Variants in XKR4 observed in about 807,000 individuals in gnomAD.
XKR4 encodes XK-related protein 4.
A neutral mutation model predicts 53.9 loss-of-function variants in XKR4; 12 were observed. The ratio of observed to expected loss-of-function variants is 0.22; its 90% confidence interval spans 0.14 to 0.36. XKR4 has a LOEUF of 0.36. XKR4 is among the 10% of genes least tolerant of loss of function. The pLI, the probability that XKR4 is intolerant of heterozygous loss-of-function variation, is 1.00. For missense variants in XKR4, 799 were observed against 859.5 expected (o/e 0.93, Z 0.88); for synonymous variants, 354 against 362.4 (o/e 0.98, Z 0.26).
chr8:55,260,018 A>G (rs1818496742), intron 1 of XKR4, among the ~76,000 whole-genome samples: 1 of 151,764 alleles, frequency 6.6e-6, no homozygotes, highest in Non-Finnish European at 1.5e-5. Context: ...ATTCTCTGCA[A>G]TTACTCCTCT....
intron 1 of XKR4, among the ~76,000 whole-genome samples, chr8:55,220,110 T>C (rs1171246983): frequency 6.6e-6 from 1 of 152,204 alleles, no homozygotes; most frequent in African/African-American, 2.4e-5. Context: ...GTGATAGATA[T>C]GTCAATTAGG....
chr8:55,406,928 T>A (rs1804692683), intron 2 of XKR4, among the ~76,000 whole-genome samples: 2 of 152,186 alleles, frequency 1.3e-5, no homozygotes, highest in Non-Finnish European at 2.9e-5. Flanking sequence ...ATTCAATAAG[T>A]ACATTGTTGG....
intron 2 of XKR4, among the ~76,000 whole-genome samples, chr8:55,381,859 A>C (rs1309752979): frequency 6.6e-6 from 1 of 152,162 alleles, no homozygotes; most frequent in East Asian, 1.9e-4. Context: ...TTCTATACCC[A>C]CACATGGAAT....
At chr8:55,475,089 A>C (rs1033656951) in intron 2 of XKR4, among the ~76,000 whole-genome samples, 1 of 152,142 alleles carries the variant, frequency 6.6e-6, no homozygotes, top group African/African-American at 2.4e-5. Context: ...TAATACAATA[A>C]ATAGTCAGTG....
chr8:55,337,811 C>A (rs1209919798), intron 1 of XKR4, among the ~76,000 whole-genome samples: 3 of 152,196 alleles, frequency 2.0e-5, no homozygotes, highest in African/African-American at 7.2e-5. Flanking sequence ...AGCTCTGAAT[C>A]CTGTGGTCCT....
At chr8:55,228,750 A>G (rs974452649) in intron 1 of XKR4, among the ~76,000 whole-genome samples, 5 of 152,142 alleles carry the variant, frequency 3.3e-5, no homozygotes, top group African/African-American at 4.8e-5. Flanking sequence ...CCATGTCTAT[A>G]TTCTTCATAG....
intron 1 of XKR4, among the ~76,000 whole-genome samples, chr8:55,250,129 A>G (rs1173060889): frequency 6.6e-6 from 1 of 152,234 alleles, no homozygotes; most frequent in Non-Finnish European, 1.5e-5. Context: ...TTCTTTCAGG[A>G]AAAGGATCTT....
chr8:55,287,442 C>T (rs1448182511), intron 1 of XKR4, among the ~76,000 whole-genome samples: 5 of 152,180 alleles, frequency 3.3e-5, no homozygotes, highest in Admixed American at 1.3e-4. Context: ...GGTGAGCGTA[C>T]CCATTAGGAA....
At chr8:55,145,174 G>C (rs2129354721) in intron 1 of XKR4, among the ~76,000 whole-genome samples, 1 of 152,164 alleles carries the variant, frequency 6.6e-6, no homozygotes, top group South Asian at 2.1e-4. Flanking sequence ...TACTTCTGCA[G>C]GCAGATTGGA....
rs1326006650 is a variant in XKR4, at chr8:55,532,444, A to G, written c.*8217A>G. 6.6e-6 allele frequency: 1 copy of G among 151,786 alleles called. No individual in the cohort carries two copies. Among genetic ancestry groups the G allele is most frequent in the African/African-American group, 2.4e-5 (1 of 41,022 alleles). The allele number at this position is 151,786 out of a possible 1,614,324, so 9.4% of individuals were successfully genotyped here. A position where few individuals can be genotyped will look rare whatever the true frequency, so the allele number is the denominator to read the frequency against. On this transcript the variant is annotated 3_prime_UTR_variant, in exon 3 of 3. Transcript: ENST00000327381. The stretch of plus-strand genomic sequence containing the variant: ...AGCAAATATTACCAGCACAGTACTG[A>G]CACAAAATTTTCTCTTGTGCTAGTA...
intron 1 of XKR4, among the ~76,000 whole-genome samples, chr8:55,237,015 T>C (rs1000547233): frequency 2.0e-5 from 3 of 152,272 alleles, no homozygotes; most frequent in Non-Finnish European, 2.9e-5. Context: ...ATGTCCCCTC[T>C]GGTTGTGCTT....
At chr8:55,232,607 A>G (rs764391785) in intron 1 of XKR4, among the ~76,000 whole-genome samples, 6 of 152,218 alleles carry the variant, frequency 3.9e-5, no homozygotes, top group African/African-American at 7.2e-5. Context: ...GAACTTGAAA[A>G]TTGCCTGAAT....
chr8:55,260,443 C>G (rs1002423869), intron 1 of XKR4, among the ~76,000 whole-genome samples: 4 of 152,174 alleles, frequency 2.6e-5, no homozygotes. Context: ...CCTACTGAAG[C>G]AGTATTGTTG....
chr8:55,342,400 G>A (rs894846527), intron 1 of XKR4, among the ~76,000 whole-genome samples: 1 of 152,090 alleles, frequency 6.6e-6, no homozygotes, highest in African/African-American at 2.4e-5. Context: ...GCCATTCTCA[G>A]CACAGCTGCT....
At chr8:55,323,734 G>C (rs1249461583) in intron 1 of XKR4, among the ~76,000 whole-genome samples, 2 of 152,170 alleles carry the variant, frequency 1.3e-5, no homozygotes, top group African/African-American at 4.8e-5. Flanking sequence ...GTATGAGACT[G>C]TGGAACATTG....
intron 1 of XKR4, among the ~76,000 whole-genome samples, chr8:55,252,701 T>C (rs1818377760): frequency 6.6e-6 from 1 of 152,196 alleles, no homozygotes; most frequent in Non-Finnish European, 1.5e-5. Flanking sequence ...GGACATGCAT[T>C]GTTTATGCCA....
At chr8:55,239,115 A>G (rs1033874755) in intron 1 of XKR4, among the ~76,000 whole-genome samples, 1 of 152,224 alleles carries the variant, frequency 6.6e-6, no homozygotes, top group East Asian at 1.9e-4. Flanking sequence ...GCTCTGTTTT[A>G]ACATCCTTTG....
rs553356140 is a variant in XKR4 at position 55,301,837 on chromosome 8, G to A, written c.807-55841G>A. ...TCATATCCTTTGCCCACTTTTTGAT[G>A]GGGTTGTTTGTTTTTTTCTTGTAAA... On this transcript the variant is annotated intron_variant, in intron 1 of 2. Transcript: ENST00000327381. Among the ~76,000 whole-genome samples, 22 of 152,208 alleles carry A rather than the reference G, an allele frequency of 1.4e-4. No homozygotes were observed. The South Asian group carries it at 4.3e-3, about 30-fold the overall frequency.
chr8:55,141,671 C>CTCTCTCTCCCTCTCTCTCTCTCTCTG (rs748708972), intron 1 of XKR4, among the ~76,000 whole-genome samples: 1 of 135,186 alleles, frequency 7.4e-6, no homozygotes, highest in Non-Finnish European at 1.6e-5. Flanking sequence ...CTCTCTCTCT[C>CTCTCTCTCCCTCTCTCTCTCTCTCTG]TGTGTGTGTG....
Sources: allele counts gnomAD v4.1 joint callset (sites outside exome capture counted in the v4.1 genomes callset), GRCh38; gene constraint gnomAD v4.1.1; transcripts MANE v1.5; gene names NCBI Gene and HGNC (gene_info 2026-07-23, HGNC 2026-07-21).